The following MTA3 variants were observed in gnomAD, a reference collection of about 807,000 sequenced individuals.
The protein encoded by MTA3 is metastasis-associated protein MTA3.
A neutral mutation model predicts 83.5 loss-of-function variants in MTA3; 34 were observed. The ratio of observed to expected loss-of-function variants is 0.41; its 90% CI spans 0.31 to 0.54. The LOEUF (loss-of-function observed/expected upper bound fraction) is 0.54, where lower values mean the gene tolerates loss of function less well. Among genes scored for constraint, MTA3 ranks in the 20% least tolerant of loss-of-function variants. The pLI is 0.33. For synonymous variants in MTA3, 303 were observed against 252.7 expected (o/e 1.20, Z -1.89); for missense variants, 761 against 726.4 (o/e 1.05, Z -0.55).
chr2:42,658,071 C>CAAAAAAAA (rs59628946), intron 7 of MTA3, among the ~76,000 whole-genome samples: 7 of 51,916 alleles, frequency 1.3e-4, no homozygotes, highest in Admixed American at 6.2e-4. Context: ...GACTCTGTCT[C>CAAAAAAAA]AAAAAAAAAA....
At chr2:42,705,441 A>G (rs897943931) in intron 12 of MTA3, among the ~76,000 whole-genome samples, 1 of 152,220 alleles carries the variant, frequency 6.6e-6, no homozygotes, top group Non-Finnish European at 1.5e-5. Context: ...GCTGTGGCTC[A>G]TGCCTGTAAT....
chr2:42,607,038 C>G (rs1683529745), intron 3 of MTA3, among the ~76,000 whole-genome samples: 1 of 144,554 alleles, frequency 6.9e-6, no homozygotes, highest in East Asian at 2.2e-4. Flanking sequence ...AGCTTCGGCT[C>G]CGCATGAGAG....
At chr2:42,521,066 C>G (rs562775310) in intron 2 of MTA3, among the ~76,000 whole-genome samples, 1 of 152,288 alleles carries the variant, frequency 6.6e-6, no homozygotes, top group South Asian at 2.1e-4. Context: ...AATCACCTCC[C>G]CTTGAGTGGG....
chr2:42,751,120 C>G (rs537043050), intron 16 of MTA3, among the ~76,000 whole-genome samples: 1 of 152,210 alleles, frequency 6.6e-6, no homozygotes, highest in Non-Finnish European at 1.5e-5. Context: ...GGAAAGGAAA[C>G]TAACTCAGAA....
At position 42,753,543 on chromosome 2, in the gene MTA3, G is replaced by A. The variant is rs1458632625; in HGVS notation, c.*144G>A. On this transcript the variant is annotated 3_prime_UTR_variant, in exon 17 of 17. Coordinates refer to ENST00000405094, the MANE Select transcript of MTA3 (RefSeq NM_001330442.2). ...TGCATCCATGGAGACGCAATGGGGC[G>A]GGGAAGGAACTGTGGGAGTGCACGT... The A allele has an allele frequency of 4.7e-6, 7 of 1,477,984 alleles. No homozygotes were observed. Among genetic ancestry groups the A allele is most frequent in the Non-Finnish European group, 5.4e-6 (6 of 1,110,954 alleles). 91.6% of individuals were successfully genotyped at this position (1,477,984 alleles called of 1,614,324 possible). A position where few individuals can be genotyped will look rare whatever the true frequency, so the allele number is the denominator to read the frequency against.
At chr2:42,581,360 CTTTTTTTTTTTT>C (rs778419810) in intron 3 of MTA3, among the ~76,000 whole-genome samples, 135 of 88,278 alleles carry the variant, frequency 1.5e-3, no homozygotes, top group Admixed American at 2.4e-3. Flanking sequence ...TCCCAAATTG[CTTTTTTTTTTTT>C]TTTTTTTTTT....
At chr2:42,577,289 A>G (rs1679166036) in intron 2 of MTA3, among the ~76,000 whole-genome samples, 1 of 151,596 alleles carries the variant, frequency 6.6e-6, no homozygotes, top group South Asian at 2.1e-4. Context: ...GTAGAGGGGA[A>G]GAGGAATATG....
chr2:42,662,320 TTA>T (rs1304845110), intron 8 of MTA3, among the ~76,000 whole-genome samples: 2 of 151,676 alleles, frequency 1.3e-5, no homozygotes, highest in Non-Finnish European at 2.9e-5. Context: ...ATAACTAGAG[TTA>T]TATTTATATA....
At chr2:42,592,933 T>C (rs1681211074) in intron 3 of MTA3, among the ~76,000 whole-genome samples, 1 of 151,564 alleles carries the variant, frequency 6.6e-6, no homozygotes, top group South Asian at 2.1e-4. Flanking sequence ...GGGGGATCAG[T>C]TGAGGTCAGG....
Position 42,695,850 on chromosome 2 carries a change from T to C in MTA3, c.966+11T>C. ...AGATATGTGCAACAGGTAATTTTTT[T>C]CATATTGCTACCAATATGGTTGCAT... On this transcript the variant is annotated intron_variant, in intron 10 of 16. Transcript: ENST00000405094. 6.6e-7 allele frequency: 1 copy of C among 1,522,094 alleles called. No individual in the cohort carries two copies. 94.3% of individuals were successfully genotyped at this position (1,522,094 alleles called of 1,614,324 possible). A position where few individuals can be genotyped will look rare whatever the true frequency, so the allele number is the denominator to read the frequency against.
chr2:42,596,216 T>C (rs1573142751), intron 3 of MTA3, among the ~76,000 whole-genome samples: 1 of 152,352 alleles, frequency 6.6e-6, no homozygotes, highest in African/African-American at 2.4e-5. Flanking sequence ...CTATGAAGTG[T>C]GTAGGCACAT....
intron 2 of MTA3, among the ~76,000 whole-genome samples, chr2:42,497,230 A>C (rs1275376755): frequency 2.0e-5 from 3 of 151,774 alleles, no homozygotes; most frequent in African/African-American, 7.3e-5. Context: ...TCAAAAAAAA[A>C]CAAAACAAAC....
At chr2:42,602,819 G>C (rs1441274511) in intron 3 of MTA3, among the ~76,000 whole-genome samples, 1 of 152,136 alleles carries the variant, frequency 6.6e-6, no homozygotes, top group Non-Finnish European at 1.5e-5. Context: ...CTTATCCAGA[G>C]GAGTGTTCTC....
At chr2:42,538,457 C>G (rs1209157657) in intron 2 of MTA3, among the ~76,000 whole-genome samples, 2 of 151,780 alleles carry the variant, frequency 1.3e-5, no homozygotes, top group Non-Finnish European at 2.9e-5. Flanking sequence ...CCTGTAATCC[C>G]AGCACTTTGG....
chr2:42,569,911 A>C (rs1678277080), intron 1 of MTA3: 3 of 151,964 alleles, frequency 2.0e-5, no homozygotes, highest in Admixed American at 1.3e-4. Context: ...AACTGTGGAA[A>C]AGTTTGTCAG....
intron 2 of MTA3, among the ~76,000 whole-genome samples, chr2:42,514,892 T>G (rs1442333698): frequency 6.6e-6 from 1 of 151,160 alleles, no homozygotes; most frequent in Non-Finnish European, 1.5e-5. Context: ...GTTGCCACTG[T>G]GTTGCCCAGG....
At chr2:42,592,593 C>A (rs1234997685) in intron 3 of MTA3, among the ~76,000 whole-genome samples, 1 of 152,170 alleles carries the variant, frequency 6.6e-6, no homozygotes, top group East Asian at 1.9e-4. Context: ...CAAAAAAATT[C>A]ATTTTCACTT....
chr2:42,499,491 T>C (rs1674299522), intron 2 of MTA3, among the ~76,000 whole-genome samples: 1 of 150,980 alleles, frequency 6.6e-6, no homozygotes, highest in South Asian at 2.1e-4. Flanking sequence ...GGTGTTCTTA[T>C]CATTTCAAAA....
chr2:42,629,906 G>C (rs964654915), intron 4 of MTA3, among the ~76,000 whole-genome samples: 2 of 151,994 alleles, frequency 1.3e-5, no homozygotes, highest in Non-Finnish European at 2.9e-5. Flanking sequence ...AGCCTCCTGA[G>C]TAGCTGGGAT....
Sources: allele counts gnomAD v4.1 joint callset (sites outside exome capture counted in the v4.1 genomes callset), GRCh38; gene constraint gnomAD v4.1.1; transcripts MANE v1.5; gene names NCBI Gene and HGNC (gene_info 2026-07-23, HGNC 2026-07-21).